The following CSGALNACT1 variants were observed in gnomAD, a reference collection of about 807,000 sequenced individuals.
The protein encoded by CSGALNACT1 is beta4GalNAcT-1.
Under a neutral mutation model 51.0 loss-of-function variants are expected in CSGALNACT1, and 52 were observed. That is an observed-to-expected ratio of 1.02 (90% confidence interval 0.82 to 1.29). The LOEUF is 1.29. CSGALNACT1 is among the 50% of genes most tolerant of loss of function. The probability of loss-of-function intolerance (pLI) is 0.00; values close to 1 mark genes in which losing one functional copy is unlikely to be tolerated. For synonymous variants in CSGALNACT1, 341 were observed against 254.4 expected (o/e 1.34, Z -3.24); for missense variants, 935 against 679.2 (o/e 1.38, Z -4.19).
chr8:19,477,210 C>G (rs1224842305), intron 4 of CSGALNACT1, among the ~76,000 whole-genome samples: 1 of 152,194 alleles, frequency 6.6e-6, no homozygotes, highest in Non-Finnish European at 1.5e-5. Context: ...TAGCAACATC[C>G]TCTTATGCCA....
intron 1 of CSGALNACT1, among the ~76,000 whole-genome samples, chr8:19,743,194 G>T (rs1359337342): frequency 1.3e-5 from 2 of 152,188 alleles, no homozygotes; most frequent in Non-Finnish European, 2.9e-5. Context: ...AACATGAGCT[G>T]CTGGAACCAC....
chr8:19,537,826 T>C (rs2084108702), intron 3 of CSGALNACT1, among the ~76,000 whole-genome samples: 1 of 152,214 alleles, frequency 6.6e-6, no homozygotes, highest in Non-Finnish European at 1.5e-5. Context: ...ATCTTTGAGA[T>C]CTAAGAGTAG....
chr8:19,619,077 C>T (rs1415675791), intron 1 of CSGALNACT1, among the ~76,000 whole-genome samples: 1 of 152,022 alleles, frequency 6.6e-6, no homozygotes, highest in Non-Finnish European at 1.5e-5. Context: ...TGCCATAAAT[C>T]AGAAGGCAGT....
rs187959986 is a variant in CSGALNACT1, at chr8:19,431,777, G to A, written c.953+8053C>T. ...TAAACACTTGGTAGAAATCAGCAGC[G>A]AAGCCTGGGCTTTCCTCTGTGGAAA... On this transcript the variant is annotated intron_variant, in intron 6 of 9. Coordinates refer to ENST00000454498, the Ensembl canonical transcript of CSGALNACT1. 1.3e-4 allele frequency among the ~76,000 whole-genome samples: 19 copies of A among 151,304 alleles called. No homozygotes were observed. In the East Asian group the frequency reaches 2.9e-3, roughly 23 times the overall value.
intron 1 of CSGALNACT1, among the ~76,000 whole-genome samples, chr8:19,607,941 G>A (rs756305971): frequency 6.6e-6 from 1 of 152,194 alleles, no homozygotes; most frequent in Non-Finnish European, 1.5e-5. Context: ...AGACAGCACT[G>A]AGACTTAGAT....
Position 19,636,064 on chromosome 8 carries a change from C to T in CSGALNACT1, c.-543-34199G>A, listed in dbSNP as rs749097918. ...TTCACACACCATTCCTCAGATTTTA[C>T]GGTAGTATTCCCATTAACTATATGC... On this transcript the variant is annotated intron_variant, in intron 1 of 9. Coordinates refer to the CSGALNACT1 transcript ENST00000332246. Among the ~76,000 whole-genome samples the T allele has an allele frequency of 7.2e-5, 11 of 152,128 alleles. No homozygotes were observed. The South Asian group carries it at 1.0e-3, about 14-fold the overall frequency.
chr8:19,537,593 T>G (rs1476946479), intron 3 of CSGALNACT1, among the ~76,000 whole-genome samples: 1 of 152,176 alleles, frequency 6.6e-6, no homozygotes, highest in Admixed American at 6.6e-5. Flanking sequence ...CTTCCAAGCC[T>G]ACAGGATGGG....
intron 3 of CSGALNACT1, among the ~76,000 whole-genome samples, chr8:19,523,831 G>A (rs193212733): frequency 1.3e-5 from 2 of 152,290 alleles, no homozygotes; most frequent in Admixed American, 6.5e-5. Context: ...TCAAGGGAAT[G>A]TGATCAGTCA....
At chr8:19,682,818 A>G (rs950466922), upstream of CSGALNACT1, 4 of 445,798 alleles carry the variant, frequency 9.0e-6, no homozygotes, top group Admixed American at 4.8e-5. Context: ...CACAGATAAC[A>G]CTATCCTGTT....
intron 8 of CSGALNACT1, among the ~76,000 whole-genome samples, chr8:19,413,961 G>T (rs574943523): frequency 6.6e-6 from 1 of 152,302 alleles, no homozygotes; most frequent in African/African-American, 2.4e-5. Flanking sequence ...GAGTTGGTCT[G>T]TGGAAGACAA....
Position 19,446,747 on chromosome 8 carries a change from C to T in CSGALNACT1, c.852-6816G>A, listed in dbSNP as rs1274938253. On this transcript the variant is annotated intron_variant, in intron 5 of 9. Coordinates refer to ENST00000454498, the Ensembl canonical transcript of CSGALNACT1. ...CAGGCTGGTCTCGAACTCCTGACCTCGGGTGAGCCACTCGCCTTGGCCTCC... is the reference window on the plus strand; with the variant it reads ...CAGGCTGGTCTCGAACTCCTGACCTTGGGTGAGCCACTCGCCTTGGCCTCC... 5.9e-5 allele frequency among the ~76,000 whole-genome samples: 9 copies of T among 152,152 alleles called. No individual in the cohort carries two copies. In the South Asian group the frequency reaches 6.2e-4, roughly 11 times the overall value.
chr8:19,562,045 C>A (rs1254930672), intron 3 of CSGALNACT1, among the ~76,000 whole-genome samples: 1 of 152,200 alleles, frequency 6.6e-6, no homozygotes, highest in Non-Finnish European at 1.5e-5. Context: ...CCTACCAAGC[C>A]TGCACTGAGG....
chr8:19,734,573 A>T (rs2154247237), intron 1 of CSGALNACT1, among the ~76,000 whole-genome samples: 1 of 152,286 alleles, frequency 6.6e-6, no homozygotes, highest in Non-Finnish European at 1.5e-5. Flanking sequence ...TGCACAAATA[A>T]ACTCCACTAA....
chr8:19,590,404 C>T (rs2047554318), intron 3 of CSGALNACT1, among the ~76,000 whole-genome samples: 1 of 152,122 alleles, frequency 6.6e-6, no homozygotes, highest in Admixed American at 6.5e-5. Flanking sequence ...TATCTTTGCA[C>T]AACTGCCCTT....
intron 3 of CSGALNACT1, among the ~76,000 whole-genome samples, chr8:19,535,276 G>C (rs2083520236): frequency 6.6e-6 from 1 of 152,002 alleles, no homozygotes; most frequent in Non-Finnish European, 1.5e-5. Context: ...GAAAATTTCA[G>C]CGTGTTCTTC....
chr8:19,495,662 G>A (rs2075321211), intron 4 of CSGALNACT1, among the ~76,000 whole-genome samples: 1 of 152,212 alleles, frequency 6.6e-6, no homozygotes, highest in East Asian at 1.9e-4. Context: ...AAAGGAAGCA[G>A]AAGCTACTGA....
chr8:19,439,927 T>C (rs749214571), exon 6 of CSGALNACT1: 2 of 1,613,604 alleles, frequency 1.2e-6, no homozygotes, highest in East Asian at 4.5e-5. Flanking sequence ...TCAATGCACA[T>C]CTCCCTGGAA....
chr8:19,416,252 T>C (rs372843382), intron 8 of CSGALNACT1, among the ~76,000 whole-genome samples: 1 of 151,686 alleles, frequency 6.6e-6, no homozygotes, highest in Admixed American at 6.6e-5. Context: ...GTAGTTGGGA[T>C]TACAGGCGCA....
chr8:19,473,584 C>G (rs547401612), intron 4 of CSGALNACT1, among the ~76,000 whole-genome samples: 1 of 152,290 alleles, frequency 6.6e-6, no homozygotes, highest in East Asian at 1.9e-4. Flanking sequence ...TATTTAATGA[C>G]TCAGGTTTCC....
Sources: gnomAD v4.1 joint callset for allele counts (sites outside exome capture counted in the v4.1 genomes callset) on GRCh38, gnomAD v4.1.1 for gene constraint, MANE v1.5 for transcripts, NCBI Gene and HGNC (gene_info 2026-07-23, HGNC 2026-07-21) for gene names.